The following C16orf95 variants were observed in gnomAD, a reference collection of about 807,000 sequenced individuals.
C16orf95 encodes chromosome 16 open reading frame 95, also known as uncharacterized protein C16orf95.
In C16orf95, 41 loss-of-function variants were observed where a neutral mutation model predicts 32.1. The ratio of observed to expected loss-of-function variants is 1.28; its 90% confidence interval spans 1.00 to 1.66. The LOEUF is 1.66. C16orf95 is among the 40% of genes most tolerant of loss of function. C16orf95 has a pLI of 0.00. For synonymous variants in C16orf95, 147 were observed against 128.9 expected, an observed-to-expected ratio of 1.14 and a Z score of -0.95; for missense variants, 399 against 325.9, an observed-to-expected ratio of 1.22 and a Z score of -1.73.
chr16:87,316,648 GA>G (rs1484009589), intron 1 of C16orf95, among the ~76,000 whole-genome samples: 1,913 of 151,782 alleles, frequency 0.013, 18 homozygotes, highest in Admixed American at 0.017. Flanking sequence ...TCCTGGTGGG[GA>G]GGGGGGGGGC....
chr16:87,304,167 A>G (rs1443447025), intron 6 of C16orf95, among the ~76,000 whole-genome samples: 1 of 152,012 alleles, frequency 6.6e-6, no homozygotes, highest in Non-Finnish European at 1.5e-5. Flanking sequence ...ACAGCACTAC[A>G]CTCAGCTAAT....
At chr16:87,306,118 G>GC (rs1911017901) in intron 5 of C16orf95, 1 of 416,312 alleles carries the variant, frequency 2.4e-6, no homozygotes, top group Non-Finnish European at 4.2e-6. Flanking sequence ...CCTTGGGGCT[G>GC]TTTTTCAAGA....
chr16:87,310,094 G>A (rs989101384), intron 5 of C16orf95, among the ~76,000 whole-genome samples: 1 of 152,228 alleles, frequency 6.6e-6, no homozygotes, highest in Non-Finnish European at 1.5e-5. Flanking sequence ...CTGTAGAGCA[G>A]AGGTTTCTCT....
Position 87,317,186 on chromosome 16 carries a change from G to C in C16orf95, c.57C>G (p.Ala19=), listed in dbSNP as rs1159983731. The change falls in exon 1 of 7, where the codon GCC becomes GCG. Residue 19 remains alanine (A), a synonymous_variant. Transcript: ENST00000567970. ...CAGCAGCGCCTGAGGCTGCTCCAGT[G>C]GCCTCATGATGATGGTGACAACGCC... ...SPRRCHHHHE[A]TGAASGAAAG... is the part of the protein sequence containing the mutation. 1.3e-6 allele frequency: 2 copies of C among 1,529,958 alleles called. No homozygotes were observed. Among genetic ancestry groups the C allele is most frequent in the African/African-American group, 2.8e-5 (2 of 72,570 alleles). 94.8% of individuals were successfully genotyped at this position (1,529,958 alleles called of 1,614,324 possible).
chr16:87,309,018 C>T (rs948246735), intron 5 of C16orf95, among the ~76,000 whole-genome samples: 2 of 152,214 alleles, frequency 1.3e-5, no homozygotes, highest in African/African-American at 4.8e-5. Flanking sequence ...GCAGGCTGCA[C>T]CTTCAACATC....
At chr16:87,313,544 G>A (rs891543827) in intron 3 of C16orf95, among the ~76,000 whole-genome samples, 2 of 152,202 alleles carry the variant, frequency 1.3e-5, no homozygotes, top group African/African-American at 2.4e-5. Context: ...GACTAGCCAG[G>A]GCAACATAGT....
intron 5 of C16orf95, among the ~76,000 whole-genome samples, chr16:87,307,668 G>C (rs767227103): frequency 3.9e-5 from 6 of 152,184 alleles, no homozygotes; most frequent in Non-Finnish European, 8.8e-5. Context: ...TGAGGTAGGA[G>C]AATTGCTTGA....
chr16:87,303,835 C>G (rs1910876221), intron 6 of C16orf95, among the ~76,000 whole-genome samples: 3 of 152,086 alleles, frequency 2.0e-5, no homozygotes, highest in Non-Finnish European at 4.4e-5. Flanking sequence ...AAGAGCATGC[C>G]CAGGCCCTCC....
intron 3 of C16orf95, among the ~76,000 whole-genome samples, chr16:87,313,910 T>C (rs1326820704): frequency 6.6e-6 from 1 of 152,122 alleles, no homozygotes; most frequent in Non-Finnish European, 1.5e-5. Flanking sequence ...GACATGCAGA[T>C]GGCAAAAGCA....
intron 3 of C16orf95, among the ~76,000 whole-genome samples, chr16:87,311,498 A>G (rs1055888715): frequency 1.3e-5 from 2 of 152,170 alleles, no homozygotes; most frequent in African/African-American, 4.8e-5. Context: ...CAACATGCCC[A>G]CTGTTGGGAG....
intron 6 of C16orf95, chr16:87,303,281 G>A: frequency 1.8e-6 from 1 of 567,832 alleles, no homozygotes. Flanking sequence ...CCGCAGGACT[G>A]GGGTGAGGCA....
At chr16:87,311,417 G>T in intron 3 of C16orf95, 121 bp from the exon 4 acceptor site, 1 of 1,022,054 alleles carries the variant, frequency 9.8e-7, no homozygotes, top group Non-Finnish European at 1.4e-6. Context: ...ATCAGGGCAG[G>T]CCCTGGAGAG....
At chr16:87,307,538 C>T (rs560385774) in intron 5 of C16orf95, among the ~76,000 whole-genome samples, 1 of 152,308 alleles carries the variant, frequency 6.6e-6, no homozygotes, top group South Asian at 2.1e-4. Context: ...GCAGGTGGAT[C>T]ACCTGAGGTC....
At chr16:87,303,103 G>A in intron 6 of C16orf95, 28 bp from the exon 7 acceptor site, 2 of 1,536,056 alleles carry the variant, frequency 1.3e-6, no homozygotes, top group Non-Finnish European at 1.7e-6. Context: ...ACAGTTACTA[G>A]GACCCGGCCC....
Position 87,302,987 on chromosome 16 carries a change from T to C in C16orf95, c.*70A>G. 6.8e-7 allele frequency: 1 copy of C among 1,477,434 alleles called. No homozygotes were observed. The highest frequency in any genetic ancestry group is 9.1e-7 in the Non-Finnish European group (1 of 1,093,246). 91.5% of individuals were successfully genotyped at this position (1,477,434 alleles called of 1,614,324 possible). The stretch of plus-strand genomic sequence containing the variant: ...ACTGTCACAGACGCCTCCTGATTGG[T>C]GGACTCTCAAAGATCTTGATCGTGA... On this transcript the variant is annotated 3_prime_UTR_variant, in exon 7 of 7. Coordinates refer to ENST00000567970, the MANE Select transcript of C16orf95 (RefSeq NM_001195124.3).
rs113529974 is a variant in C16orf95, at chr16:87,317,144, C to T, written c.99G>A (p.Ala33=). The T allele has an allele frequency of 5.9e-5, 91 of 1,534,242 alleles. No individual in the cohort carries two copies. In the African/African-American group the frequency reaches 9.3e-4, roughly 16 times the overall value. The stretch of plus-strand genomic sequence containing the variant: ...CCAACCTGCAGAGCCCGACGCACCC[C>T]GCGCCCGGCCCCCCGGCAGCAGCGC... The part of the protein sequence containing the change: ...ASGAAAGGPG[A]GCVGLCRLAL... The change falls in exon 1 of 7, where the codon GCG becomes GCA. Residue 33 remains alanine, a synonymous_variant. Coordinates refer to ENST00000567970, the MANE Select transcript of C16orf95 (RefSeq NM_001195124.3).
Position 87,305,048 on chromosome 16 carries a change from G to C in C16orf95, c.701+671C>G, listed in dbSNP as rs1370451983. The stretch of plus-strand genomic sequence containing the variant: ...CACTGGGCAATGAGGAGGAGGAGGA[G>C]AGGAGAGAGGCTTTGCAGAGGAGCC... On this transcript the variant is annotated intron_variant, in intron 6 of 6. Transcript: ENST00000567970. This position sits in a 1 kb window ranked among gnomAD's most constrained non-coding sequence, Gnocchi z 4.2. 6.6e-6 allele frequency among the ~76,000 whole-genome samples: 1 copy of C among 152,198 alleles called. No individual in the cohort carries two copies. The highest frequency in any genetic ancestry group is 6.5e-5 in the Admixed American group (1 of 15,290).
chr16:87,314,514 G>A (rs958754880), intron 3 of C16orf95, among the ~76,000 whole-genome samples: 2 of 152,198 alleles, frequency 1.3e-5, no homozygotes, highest in Admixed American at 1.3e-4. Context: ...TCAGGGTATG[G>A]AATGTTGGGT....
chr16:87,305,109 TA>T lies in C16orf95; in HGVS notation c.701+609del, dbSNP rs377338720. Among the ~76,000 whole-genome samples, 478 of 152,236 alleles carry T rather than the reference TA, an allele frequency of 3.1e-3. 2 individuals carry two copies. Among genetic ancestry groups the T allele is most frequent in the African/African-American group, 0.01 (434 of 41,554 alleles). ...CCGAGAGTAAAGGAGTAAGAGGAAG[TA>T]GCTGTTCCCCGAAGCCCAGCTGTGG... On this transcript the variant is annotated intron_variant, in intron 6 of 6. Transcript: ENST00000567970. This position sits in a 1 kb window ranked among gnomAD's most constrained non-coding sequence, Gnocchi z 4.2.
Sources: gnomAD v4.1 joint callset for allele counts (sites outside exome capture counted in the v4.1 genomes callset) on GRCh38, gnomAD v4.1.1 for gene constraint, Gnocchi (gnomAD v3.1) non-coding constraint, MANE v1.5 for transcripts, NCBI Gene and HGNC (gene_info 2026-07-23, HGNC 2026-07-21) for gene names.